UVRAG: variants seen among roughly 807,000 people sequenced by gnomAD.
The protein encoded by UVRAG is UV radiation resistance-associated gene protein.
UVRAG carries 19 observed loss-of-function variants against 78.0 expected under a neutral mutation model. The ratio of observed to expected loss-of-function variants is 0.24; its 90% CI spans 0.17 to 0.36. The LOEUF is 0.36. Among genes scored for constraint, UVRAG ranks in the 10% least tolerant of loss-of-function variants. The pLI is 1.00. For missense variants in UVRAG, 740 were observed against 853.8 expected, an observed-to-expected ratio of 0.87 and a Z score of 1.66; for synonymous variants, 323 against 324.6, an observed-to-expected ratio of 1.00 and a Z score of 0.05.
chr11:75,941,412 A>G (rs541158184), intron 6 of UVRAG, among the ~76,000 whole-genome samples: 8 of 152,242 alleles, frequency 5.3e-5, no homozygotes, highest in Non-Finnish European at 7.4e-5. Context: ...ACTCATTACT[A>G]CAGGTTGAGC....
At chr11:76,124,468 T>C (rs1952349057) in intron 14 of UVRAG, among the ~76,000 whole-genome samples, 1 of 152,132 alleles carries the variant, frequency 6.6e-6, no homozygotes, top group Non-Finnish European at 1.5e-5. Context: ...ATCATTAGTG[T>C]GTAGTCTGCT....
chr11:75,829,766 G>T (rs1003732017), intron 1 of UVRAG, among the ~76,000 whole-genome samples: 1 of 152,326 alleles, frequency 6.6e-6, no homozygotes, highest in East Asian at 1.9e-4. Flanking sequence ...AAACAACTGA[G>T]TGTGGTTGTA....
chr11:75,903,691 G>A (rs1947558405), intron 5 of UVRAG, among the ~76,000 whole-genome samples: 3 of 152,092 alleles, frequency 2.0e-5, no homozygotes, highest in South Asian at 4.1e-4. Context: ...TTTTTAAAAA[G>A]CCTTTCTTAT....
At chr11:76,112,027 G>T (rs1051902684) in intron 13 of UVRAG, among the ~76,000 whole-genome samples, 2 of 151,670 alleles carry the variant, frequency 1.3e-5, no homozygotes, top group African/African-American at 4.8e-5. Flanking sequence ...AGGAGAAAAT[G>T]ATCAGAATTA....
At chr11:75,970,817 C>T (rs1949108777) in intron 7 of UVRAG, among the ~76,000 whole-genome samples, 1 of 150,858 alleles carries the variant, frequency 6.6e-6, no homozygotes, top group Non-Finnish European at 1.5e-5. Flanking sequence ...GTTAAAACAT[C>T]TTGTACTCGT....
At chr11:76,058,610 A>T (rs1464395134) in intron 12 of UVRAG, among the ~76,000 whole-genome samples, 1 of 152,200 alleles carries the variant, frequency 6.6e-6, no homozygotes, top group South Asian at 2.1e-4. Context: ...TAAATGTGAT[A>T]TAGCTGTCAA....
At chr11:76,095,931 A>G (rs1951779242) in intron 13 of UVRAG, among the ~76,000 whole-genome samples, 1 of 151,772 alleles carries the variant, frequency 6.6e-6, no homozygotes, top group Non-Finnish European at 1.5e-5. Context: ...TTTACTGAGT[A>G]GCTCCTATCA....
chr11:75,882,608 C>T (rs184989563), intron 4 of UVRAG, among the ~76,000 whole-genome samples: 87 of 151,970 alleles, frequency 5.7e-4, no homozygotes, highest in African/African-American at 2.0e-3. Flanking sequence ...AATTTTTTAC[C>T]TGTAGTCACC....
At position 75,815,440 on chromosome 11, in the gene UVRAG, C is replaced by T. The variant is rs1285598068; in HGVS notation, c.33C>T (p.Val11=). The T allele has an allele frequency of 8.0e-6, 10 of 1,247,578 alleles. No homozygotes were observed. Among genetic ancestry groups the T allele is most frequent in the Non-Finnish European group, 1.0e-5 (10 of 995,348 alleles). The allele number at this position is 1,247,578 out of a possible 1,614,324, so 77.3% of individuals were successfully genotyped here. Residue 11 remains valine (V), a synonymous_variant, in exon 1 of 15, where the codon GTC becomes GTT. Transcript: ENST00000356136. MSASASVGGP[V]PQPPPGPAAA... The stretch of plus-strand genomic sequence containing the variant: ...CCTCCGCGTCGGTCGGGGGCCCCGT[C>T]CCCCAGCCACCCCCGGGCCCGGCCG...
intron 12 of UVRAG, among the ~76,000 whole-genome samples, chr11:76,040,300 C>T (rs1253195282): frequency 1.3e-5 from 2 of 151,354 alleles, no homozygotes; most frequent in Non-Finnish European, 2.9e-5. Flanking sequence ...AGTGAAACCC[C>T]GTCTCTACTA....
chr11:76,058,147 A>G (rs1231305133), intron 12 of UVRAG, among the ~76,000 whole-genome samples: 2 of 151,978 alleles, frequency 1.3e-5, no homozygotes, highest in African/African-American at 2.4e-5. Context: ...CAATTTCTGA[A>G]CCCCTAAGCA....
chr11:75,997,359 A>G (rs1949727116), intron 8 of UVRAG, among the ~76,000 whole-genome samples: 1 of 152,376 alleles, frequency 6.6e-6, no homozygotes, highest in East Asian at 1.9e-4. Context: ...AGCAAGATTC[A>G]TAGTCTTTAG....
chr11:75,975,795 A>C (rs1156503215), intron 7 of UVRAG, among the ~76,000 whole-genome samples: 2 of 152,190 alleles, frequency 1.3e-5, no homozygotes, highest in Admixed American at 6.5e-5. Flanking sequence ...CTAAATATAC[A>C]ATCATGTCAT....
intron 14 of UVRAG, among the ~76,000 whole-genome samples, chr11:76,127,731 C>A (rs975319519): frequency 6.6e-5 from 10 of 151,098 alleles, no homozygotes; most frequent in African/African-American, 2.4e-4. Flanking sequence ...CCAAGGTGGG[C>A]GGATCACTTG....
At chr11:75,817,928 C>T (rs115758908) in intron 1 of UVRAG, among the ~76,000 whole-genome samples, 4,490 of 150,132 alleles carry the variant, frequency 0.03, 204 homozygotes, top group African/African-American at 0.099. Flanking sequence ...GATGTGGTGG[C>T]GCACATTTGT....
intron 7 of UVRAG, among the ~76,000 whole-genome samples, chr11:75,974,382 C>T (rs1344720152): frequency 2.0e-5 from 2 of 101,600 alleles, no homozygotes; most frequent in South Asian, 7.1e-4. Context: ...TTTTTTGAGA[C>T]GGAGTCTCGC....
intron 12 of UVRAG, among the ~76,000 whole-genome samples, chr11:76,056,460 T>G (rs1209962862): frequency 6.6e-6 from 1 of 152,248 alleles, no homozygotes; most frequent in Non-Finnish European, 1.5e-5. Context: ...CATTTTATAC[T>G]CCCACTCAAC....
intron 12 of UVRAG, among the ~76,000 whole-genome samples, chr11:76,031,855 G>C (rs1950443830): frequency 6.6e-6 from 1 of 152,214 alleles, no homozygotes; most frequent in African/African-American, 2.4e-5. Context: ...GAGCGTGCCA[G>C]TAGTTCATGG....
At chr11:75,884,384 C>A (rs141029742) in intron 4 of UVRAG, among the ~76,000 whole-genome samples, 1 of 152,084 alleles carries the variant, frequency 6.6e-6, no homozygotes, top group African/African-American at 2.4e-5. Context: ...TATTTTCTGC[C>A]AGTTTGTGGC....
Sources: allele counts gnomAD v4.1 joint callset (sites outside exome capture counted in the v4.1 genomes callset), GRCh38; gene constraint gnomAD v4.1.1; transcripts MANE v1.5; gene names NCBI Gene and HGNC (gene_info 2026-07-23, HGNC 2026-07-21).